Variants in WDR35 observed in about 807,000 individuals in gnomAD.
WDR35 encodes the protein WD repeat-containing protein 35.
Under a neutral mutation model 158.3 loss-of-function variants are expected in WDR35, and 118 were observed. The ratio of observed to expected loss-of-function variants is 0.75; its 90% CI spans 0.64 to 0.87. The LOEUF (loss-of-function observed/expected upper bound fraction) is 0.87, where lower values mean the gene tolerates loss of function less well. Ranked by LOEUF, WDR35 falls within the 40% of genes least tolerant of loss-of-function variation. The probability of loss-of-function intolerance (pLI) is 0.00; values close to 1 mark genes in which losing one functional copy is unlikely to be tolerated. For missense variants in WDR35, 1,263 were observed against 1,405.8 expected (o/e 0.90, Z 1.62); for synonymous variants, 448 against 476.1 (o/e 0.94, Z 0.77).
chr2:19,936,046 C>T (rs1219380781), intron 20 of WDR35, among the ~76,000 whole-genome samples, 173 bp downstream of exon 20: 1 of 152,176 alleles, frequency 6.6e-6, no homozygotes, highest in Non-Finnish European at 1.5e-5. Flanking sequence ...TTTTATAGTG[C>T]TCATCTCACA....
intron 4 of WDR35, 36 bp downstream of exon 4, chr2:19,980,655 G>A: frequency 3.2e-6 from 5 of 1,573,498 alleles, no homozygotes; most frequent in Non-Finnish European, 4.4e-6. Context: ...ATGCCAACTT[G>A]TGAAAAATTA....
chr2:19,941,650 G>A, intron 17 of WDR35, 109 bp downstream of exon 17: 2 of 775,054 alleles, frequency 2.6e-6, no homozygotes, highest in Non-Finnish European at 4.3e-6. Flanking sequence ...CTGGGCCTGA[G>A]ATATATCTGA....
intron 25 of WDR35, among the ~76,000 whole-genome samples, chr2:19,922,959 G>A (rs1030814268): frequency 4.6e-5 from 7 of 152,228 alleles, no homozygotes; most frequent in African/African-American, 1.7e-4. Flanking sequence ...TAGCATGAGT[G>A]ATCTGTGCCT....
At chr2:19,968,173 C>G (rs1380627619) in intron 9 of WDR35, among the ~76,000 whole-genome samples, 2 of 152,194 alleles carry the variant, frequency 1.3e-5, no homozygotes, top group Admixed American at 6.5e-5. Context: ...AAGTGCACTT[C>G]TTTATCATGC....
At position 19,975,680 on chromosome 2, in the gene WDR35, TTAA is replaced by T; in HGVS notation, c.437-20_437-18del. 6.2e-7 allele frequency: 1 copy of T among 1,613,870 alleles called. No individual in the cohort carries two copies. The highest frequency in any genetic ancestry group is 8.5e-7 in the Non-Finnish European group (1 of 1,179,878). Reference sequence around the variant, plus strand: ...TACGATTGCCTAAAACAAAACATTATTAAAAGTTGTTCAAGGTCATGATCCTCC... The same window carrying T: ...TACGATTGCCTAAAACAAAACATTATAAGTTGTTCAAGGTCATGATCCTCC... On this transcript the variant is annotated intron_variant, in intron 5 of 26. Transcript: ENST00000281405.
intron 3 of WDR35, among the ~76,000 whole-genome samples, chr2:19,982,055 C>T (rs1442075859): frequency 6.6e-6 from 1 of 152,154 alleles, no homozygotes. Context: ...AATGACTTTT[C>T]GGTGATGGGA....
chr2:19,926,911 C>A (rs925743671), intron 25 of WDR35, among the ~76,000 whole-genome samples: 1 of 150,564 alleles, frequency 6.6e-6, no homozygotes, highest in Non-Finnish European at 1.5e-5. Flanking sequence ...GGACCCCCCC[C>A]ACCCTGTTGC....
At chr2:19,980,918 A>G (rs1010302882) in intron 3 of WDR35, 135 bp from the exon 4 acceptor site, 10 of 744,056 alleles carry the variant, frequency 1.3e-5, no homozygotes, top group Non-Finnish European at 2.2e-5. Context: ...TATTCCTCAA[A>G]ACCTATTCAT....
chr2:19,971,531 A>G (rs149625850), intron 8 of WDR35, among the ~76,000 whole-genome samples: 11 of 152,342 alleles, frequency 7.2e-5, no homozygotes, highest in South Asian at 2.1e-4. Context: ...CTGTGAGCCA[A>G]TAAGTTTCTG....
chr2:19,928,209 GC>G (rs781781739), intron 25 of WDR35, among the ~76,000 whole-genome samples: 11 of 152,346 alleles, frequency 7.2e-5, no homozygotes, highest in Middle Eastern at 3.4e-3. Context: ...AGTAGCATGA[GC>G]AATCTGTGCC....
intron 7 of WDR35, among the ~76,000 whole-genome samples, chr2:19,974,175 C>A (rs1010451052): frequency 2.0e-5 from 3 of 151,982 alleles, no homozygotes; most frequent in Non-Finnish European, 4.4e-5. Flanking sequence ...CTTTGGGAGG[C>A]TGAGGCAGGT....
chr2:19,984,691 G>A (rs999427922), intron 2 of WDR35, among the ~76,000 whole-genome samples: 1 of 152,192 alleles, frequency 6.6e-6, no homozygotes, highest in Non-Finnish European at 1.5e-5. Flanking sequence ...AAGAACAGAA[G>A]ATCATGCTAA....
chr2:19,974,414 G>GAAA, intron 7 of WDR35, 54 bp downstream of exon 7: 7 of 1,133,428 alleles, frequency 6.2e-6, no homozygotes, highest in Admixed American at 2.9e-5. Flanking sequence ...ATCTCAAAAA[G>GAAA]AAAAAAAAAA....
Position 19,941,839 on chromosome 2 carries a change from C to G in WDR35, c.1846G>C (p.Glu616Gln). The change falls in exon 17 of 27, where the codon GAA (glutamate) becomes CAA (glutamine). Residue 616 changes from glutamate to glutamine, a missense_variant and splice_region_variant. Transcript: ENST00000281405. ...ATATATCCAGAGGTCTGAATGGGTT[C>G]CTTTAAAGACAAAAAAAAAGTTATG... is the stretch of plus-strand genomic sequence containing the variant. ...MYVFRNLDPE[E>Q]PIQTSGYICN... 6.4e-7 allele frequency: 1 copy of G among 1,561,606 alleles called. No homozygotes were observed. The highest frequency in any genetic ancestry group is 8.7e-7 in the Non-Finnish European group (1 of 1,144,308).
At chr2:19,957,527 A>T (rs1393462561) in intron 11 of WDR35, among the ~76,000 whole-genome samples, 1 of 151,920 alleles carries the variant, frequency 6.6e-6, no homozygotes, top group African/African-American at 2.4e-5. Flanking sequence ...GAAAAGAAAA[A>T]AATTTGAAAT....
chr2:19,927,452 T>C (rs1670390894), intron 25 of WDR35, among the ~76,000 whole-genome samples: 1 of 152,172 alleles, frequency 6.6e-6, no homozygotes, highest in Non-Finnish European at 1.5e-5. Flanking sequence ...CACTTCTCAG[T>C]CTGTGTGCCA....
intron 25 of WDR35, among the ~76,000 whole-genome samples, chr2:19,925,994 G>A (rs1670343798): frequency 6.6e-6 from 1 of 152,196 alleles, no homozygotes; most frequent in Admixed American, 6.5e-5. Flanking sequence ...AGAGAAACCG[G>A]AGGCTTTAGA....
At chr2:19,954,450 A>G (rs1326418249) in intron 11 of WDR35, among the ~76,000 whole-genome samples, 1 of 152,264 alleles carries the variant, frequency 6.6e-6, no homozygotes, top group Admixed American at 6.5e-5. Context: ...TCTAGAAAAT[A>G]TAAAGAACTC....
At chr2:19,947,655 G>A (rs920374103) in intron 14 of WDR35, among the ~76,000 whole-genome samples, 2 of 152,088 alleles carry the variant, frequency 1.3e-5, no homozygotes, top group African/African-American at 4.8e-5. Flanking sequence ...GAAAGTGGCT[G>A]AGCCAAAGCA....
Sources: allele counts gnomAD v4.1 joint callset (sites outside exome capture counted in the v4.1 genomes callset), GRCh38; gene constraint gnomAD v4.1.1; transcripts MANE v1.5; gene names NCBI Gene and HGNC (gene_info 2026-07-23, HGNC 2026-07-21).